Variants in TBCE observed in about 807,000 individuals in gnomAD.
TBCE encodes tubulin folding cofactor E.
In TBCE, 53 loss-of-function variants were observed where a neutral mutation model predicts 77.0. That is an observed-to-expected ratio of 0.69 (90% confidence interval 0.55 to 0.87). The LOEUF is 0.87. Among genes scored for constraint, TBCE ranks in the 40% least tolerant of loss-of-function variants. The pLI is 0.00. For missense variants in TBCE, 624 were observed against 622.4 expected (o/e 1.00, Z -0.03); for synonymous variants, 235 against 241.3 (o/e 0.97, Z 0.24).
Position 235,397,343 on chromosome 1 carries a change from G to C in TBCE, c.101-4160G>C, listed in dbSNP as rs552524791. Reference sequence around the variant, plus strand: ...CAGCCTCCCGAGCAGCTGGGACTACGGGCGCCCGCCAGGATGCGCGGCTAA... The same window carrying C: ...CAGCCTCCCGAGCAGCTGGGACTACCGGCGCCCGCCAGGATGCGCGGCTAA... On this transcript the variant is annotated intron_variant, in intron 2 of 16. Coordinates refer to ENST00000642610, the MANE Select transcript of TBCE (RefSeq NM_003193.5). 1.1e-4 allele frequency among the ~76,000 whole-genome samples: 16 copies of C among 151,910 alleles called. 2 individuals are homozygous for C. In the East Asian group the frequency reaches 2.3e-3, roughly 22 times the overall value.
At chr1:235,390,475 G>C (rs1258833875) in intron 2 of TBCE, among the ~76,000 whole-genome samples, 1 of 152,160 alleles carries the variant, frequency 6.6e-6, no homozygotes, top group Non-Finnish European at 1.5e-5. Context: ...AGCTAGGCTA[G>C]ACGCAGTGGC....
chr1:235,367,904 C>T (rs534967486), intron 1 of TBCE, among the ~76,000 whole-genome samples: 5 of 152,190 alleles, frequency 3.3e-5, no homozygotes, highest in South Asian at 4.1e-4. Context: ...CTTAAAGTAA[C>T]TGTTTGTTCT....
chr1:235,380,808 A>C lies in TBCE; in HGVS notation c.100+659A>C, dbSNP rs11583253. Among the ~76,000 whole-genome samples, 9 of 152,110 alleles carry C rather than the reference A, an allele frequency of 5.9e-5. No individual in the cohort carries two copies. The East Asian group carries it at 1.7e-3, about 29-fold the overall frequency. On this transcript the variant is annotated intron_variant, in intron 2 of 16. Transcript: ENST00000642610. ...GACTGTTTTCTGTGTATTTTGAGAC[A>C]GAGTTTCGCTCTTGTTATTCAGGCT...
chr1:235,380,644 T>C (rs2102814702), intron 2 of TBCE, among the ~76,000 whole-genome samples: 1 of 152,256 alleles, frequency 6.6e-6, no homozygotes, highest in South Asian at 2.1e-4. Context: ...TTTTTTGATT[T>C]TGCGTATTTC....
At chr1:235,424,736 C>T (rs1455810215) in intron 5 of TBCE, among the ~76,000 whole-genome samples, 1 of 152,048 alleles carries the variant, frequency 6.6e-6, no homozygotes, top group Non-Finnish European at 1.5e-5. Context: ...AACCCCCGAC[C>T]TCAGGTGATC....
intron 1 of TBCE, among the ~76,000 whole-genome samples, chr1:235,368,142 A>T (rs1977749): frequency 2.0e-5 from 3 of 151,494 alleles, no homozygotes; most frequent in Admixed American, 6.6e-5. Flanking sequence ...CTGATCTCAG[A>T]TGATCCACCC....
intron 12 of TBCE, 140 bp downstream of exon 12, chr1:235,437,614 C>A: frequency 1.0e-6 from 1 of 955,034 alleles, no homozygotes; most frequent in Non-Finnish European, 1.5e-6. Context: ...GAGTTTGAGA[C>A]CAGCCTGGGC....
At chr1:235,422,364 T>C (rs1274930541) in intron 5 of TBCE, among the ~76,000 whole-genome samples, 2 of 147,886 alleles carry the variant, frequency 1.4e-5, no homozygotes, top group African/African-American at 5.0e-5. Flanking sequence ...ATACAAAAAA[T>C]TAACTGGGTA....
At chr1:235,434,018 C>A (rs1681265386) in intron 7 of TBCE, 186 bp from the exon 8 acceptor site, 1 of 635,398 alleles carries the variant, frequency 1.6e-6, no homozygotes, top group Middle Eastern at 3.6e-4. Context: ...TAAAATGCAC[C>A]CCCTTAACAT....
intron 1 of TBCE, 51 bp from the exon 2 acceptor site, chr1:235,379,968 C>A: frequency 6.0e-6 from 7 of 1,171,060 alleles, no homozygotes; most frequent in Admixed American, 1.9e-5. Context: ...AAAAAAATTC[C>A]TTTAAAGGAA....
At chr1:235,425,969 G>A (rs1399254617) in intron 5 of TBCE, among the ~76,000 whole-genome samples, 3 of 152,196 alleles carry the variant, frequency 2.0e-5, no homozygotes, top group Non-Finnish European at 4.4e-5. Context: ...GTGACACACT[G>A]TTGAGGCCCC....
intron 2 of TBCE, among the ~76,000 whole-genome samples, chr1:235,389,324 T>A (rs1050925372): frequency 1.3e-5 from 2 of 152,138 alleles, no homozygotes; most frequent in Non-Finnish European, 2.9e-5. Flanking sequence ...AAATTTAAGC[T>A]TTTTGTTTGT....
At chr1:235,432,058 A>G (rs1371885520) in intron 7 of TBCE, among the ~76,000 whole-genome samples, 3 of 151,958 alleles carry the variant, frequency 2.0e-5, no homozygotes, top group Non-Finnish European at 4.4e-5. Flanking sequence ...ATCTCGGCTC[A>G]CTGCAACCTC....
In TBCE at chr1:235,449,088, T is replaced by C. The variant is rs974347125; in HGVS notation, c.*326T>C. 2.3e-5 allele frequency: 7 copies of C among 310,808 alleles called. No individual in the cohort carries two copies. The highest frequency in any genetic ancestry group is 1.4e-4 in the South Asian group (5 of 34,526). 19.3% of individuals were successfully genotyped at this position (310,808 alleles called of 1,614,324 possible). A position where few individuals can be genotyped will look rare whatever the true frequency, so the allele number is the denominator to read the frequency against. On this transcript the variant is annotated 3_prime_UTR_variant, in exon 17 of 17. Coordinates refer to ENST00000642610, the MANE Select transcript of TBCE (RefSeq NM_003193.5). The stretch of plus-strand genomic sequence containing the variant: ...TAATAAAATCTGAACACAGTTAATA[T>C]CTGTCATAAGACTAGTTTTAATGGA...
At chr1:235,414,816 A>T in intron 4 of TBCE, 198 bp downstream of exon 4, 1 of 585,516 alleles carries the variant, frequency 1.7e-6, no homozygotes, top group Non-Finnish European at 3.0e-6. Context: ...CAGGATTGGT[A>T]GATTTATCCA....
chr1:235,440,933 C>T (rs1226084920), intron 13 of TBCE: 2 of 152,192 alleles, frequency 1.3e-5, no homozygotes, highest in African/African-American at 2.4e-5. Context: ...CTCCACATTT[C>T]GCTTTTATGT....
At chr1:235,373,850 C>T (rs1212514148) in intron 1 of TBCE, among the ~76,000 whole-genome samples, 3 of 145,374 alleles carry the variant, frequency 2.1e-5, no homozygotes, top group Non-Finnish European at 3.0e-5. Flanking sequence ...GGTGTTTCAC[C>T]GTGTTAGCCA....
At chr1:235,431,755 C>G (rs538608962) in intron 7 of TBCE, among the ~76,000 whole-genome samples, 1 of 150,144 alleles carries the variant, frequency 6.7e-6, no homozygotes, top group African/African-American at 2.5e-5. Flanking sequence ...TCACTGCAAC[C>G]TCCGCCTCCC....
intron 4 of TBCE, chr1:235,415,499 C>T (rs2102884887): frequency 6.6e-6 from 1 of 152,294 alleles, no homozygotes; most frequent in Non-Finnish European, 1.5e-5. Context: ...GACGAGGCAT[C>T]TGGGTAAGGA....
Sources: allele counts gnomAD v4.1 joint callset (sites outside exome capture counted in the v4.1 genomes callset), GRCh38; gene constraint gnomAD v4.1.1; transcripts MANE v1.5; gene names NCBI Gene and HGNC (gene_info 2026-07-23, HGNC 2026-07-21).